KCNK13: variants seen among roughly 807,000 people sequenced by gnomAD.
KCNK13 encodes potassium channel subfamily K member 13.
KCNK13 carries 12 observed loss-of-function variants against 23.4 expected under a neutral mutation model. The observed-to-expected ratio is 0.51, with a 90% CI of 0.33 to 0.83. The LOEUF (loss-of-function observed/expected upper bound fraction) is 0.83. KCNK13 is among the 40% of genes least tolerant of loss of function. The pLI, the probability that KCNK13 is intolerant of heterozygous loss-of-function variation, is 0.02. For synonymous variants in KCNK13, 231 were observed against 229.5 expected, an observed-to-expected ratio of 1.01 and a Z score of -0.06; for missense variants, 463 against 556.3, an observed-to-expected ratio of 0.83 and a Z score of 1.69.
At chr14:90,127,474 A>G (rs1479140030) in intron 1 of KCNK13, among the ~76,000 whole-genome samples, 1 of 134,656 alleles carries the variant, frequency 7.4e-6, no homozygotes, top group Non-Finnish European at 1.6e-5. Context: ...TTTTTTGTAC[A>G]TTGGTTTCTC....
chr14:90,107,116 C>G (rs1398929256), intron 1 of KCNK13, among the ~76,000 whole-genome samples: 3 of 152,118 alleles, frequency 2.0e-5, no homozygotes, highest in African/African-American at 7.2e-5. Flanking sequence ...CACAGGTGCT[C>G]TGTACCACAC....
chr14:90,173,262 C>A (rs1472233615), intron 1 of KCNK13, among the ~76,000 whole-genome samples: 1 of 152,076 alleles, frequency 6.6e-6, no homozygotes, highest in Non-Finnish European at 1.5e-5. Context: ...GAGGCTGAGG[C>A]AGTAGGATCA....
chr14:90,062,449 A>T lies in KCNK13; in HGVS notation c.244A>T (p.Thr82Ser). Residue 82 changes from threonine to serine, a missense_variant, in exon 1 of 2, where the codon ACT (threonine) becomes TCT (serine). Physicochemically the swap from Thr to Ser is moderately conservative, Grantham distance 58. Coordinates refer to ENST00000282146, the MANE Select transcript of KCNK13 (RefSeq NM_022054.4). The surrounding 1 kb of genome is among the most constrained non-coding windows in gnomAD (Gnocchi z 4.5). ...CTTCCTCCGCCACTACGAGGAGGCCACTCGGGCCGGCATCCGCGTGGACAA... is the reference window on the plus strand; with the variant it reads ...CTTCCTCCGCCACTACGAGGAGGCCTCTCGGGCCGGCATCCGCGTGGACAA... The part of the protein sequence containing the change: ...RGFLRHYEEA[T>S]RAGIRVDNVR... 1 of 1,545,958 alleles carries T rather than the reference A, an allele frequency of 6.5e-7. No homozygotes were observed. The highest frequency in any genetic ancestry group is 1.4e-5 in the African/African-American group (1 of 72,600).
intron 1 of KCNK13, among the ~76,000 whole-genome samples, chr14:90,174,052 A>G (rs1207186149): frequency 6.6e-6 from 1 of 152,142 alleles, no homozygotes; most frequent in Admixed American, 6.5e-5. Context: ...CATGCCTGTA[A>G]TCCCAGCACT....
intron 1 of KCNK13, among the ~76,000 whole-genome samples, chr14:90,107,227 C>T (rs1889554844): frequency 6.6e-6 from 1 of 152,098 alleles, no homozygotes; most frequent in Non-Finnish European, 1.5e-5. Flanking sequence ...TGCCTGTAAT[C>T]CCAGCACTTC....
At chr14:90,159,708 A>G (rs535221498) in intron 1 of KCNK13, among the ~76,000 whole-genome samples, 2 of 152,350 alleles carry the variant, frequency 1.3e-5, no homozygotes, top group South Asian at 2.1e-4. Context: ...AGTTCTCACA[A>G]AAGTCCTACG....
rs1419933284 is a variant in KCNK13, at chr14:90,140,323, G to A, written c.335-43788G>A. ...GTAAGAGACTTGTTCATTTCTTCTG[G>A]TTCTTGAAGTCCTACCACGCATCAA... On this transcript the variant is annotated intron_variant, in intron 1 of 1. Coordinates refer to ENST00000282146, the MANE Select transcript of KCNK13 (RefSeq NM_022054.4). 2.0e-5 allele frequency among the ~76,000 whole-genome samples: 3 copies of A among 152,136 alleles called. No individual in the cohort carries two copies. The East Asian group carries it at 5.8e-4, about 29-fold the overall frequency.
At chr14:90,101,525 G>A (rs1161688157) in intron 1 of KCNK13, among the ~76,000 whole-genome samples, 2 of 151,818 alleles carry the variant, frequency 1.3e-5, no homozygotes, top group Non-Finnish European at 2.9e-5. Context: ...GGCCGGGTGT[G>A]GTGGTATAAT....
intron 1 of KCNK13, among the ~76,000 whole-genome samples, chr14:90,129,169 G>C (rs1889838403): frequency 6.6e-6 from 1 of 152,088 alleles, no homozygotes; most frequent in Admixed American, 6.5e-5. Context: ...CATCTACATT[G>C]TGTCTAAACT....
At chr14:90,124,837 C>G (rs183375436) in intron 1 of KCNK13, among the ~76,000 whole-genome samples, 3 of 152,196 alleles carry the variant, frequency 2.0e-5, no homozygotes, top group Admixed American at 6.6e-5. Flanking sequence ...TACAGCTAAA[C>G]TCTGAAAAAT....
At chr14:90,092,213 C>T (rs563708830) in intron 1 of KCNK13, among the ~76,000 whole-genome samples, 110 of 152,330 alleles carry the variant, frequency 7.2e-4, no homozygotes, top group Non-Finnish European at 1.2e-3. Context: ...TGAGCCACCG[C>T]ACCCAGCCGG....
intron 1 of KCNK13, among the ~76,000 whole-genome samples, chr14:90,064,217 T>C (rs73330214): frequency 0.085 from 12,974 of 152,218 alleles, 1,859 homozygotes; most frequent in African/African-American, 0.3. Flanking sequence ...ACCTTGACTC[T>C]ACTGTGTTTG....
At chr14:90,077,417 G>A (rs556634854) in intron 1 of KCNK13, among the ~76,000 whole-genome samples, 115 of 152,208 alleles carry the variant, frequency 7.6e-4, no homozygotes, top group African/African-American at 2.3e-3. Flanking sequence ...CACCATGCCC[G>A]GCCAATCCTG....
In KCNK13 at chr14:90,107,885, C is replaced by A. The variant is rs185298856; in HGVS notation, c.334+45346C>A. 36 of 790,422 alleles carry A rather than the reference C, an allele frequency of 4.6e-5. No homozygotes were observed. In the East Asian group the frequency reaches 8.7e-4, roughly 19 times the overall value. The allele number at this position is 790,422 out of a possible 1,614,324, so 49.0% of individuals were successfully genotyped here. On this transcript the variant is annotated intron_variant, in intron 1 of 1. Transcript: ENST00000282146. ...ACAGCTCACGGGAGCAAGAATGGGG[C>A]CTTGAGTCTTTATCAGTAAAGATTG...
chr14:90,108,562 C>T (rs1889574225), intron 1 of KCNK13, among the ~76,000 whole-genome samples: 1 of 152,150 alleles, frequency 6.6e-6, no homozygotes, highest in African/African-American at 2.4e-5. Context: ...CAGTGTTGTC[C>T]ACCTTGTCCT....
chr14:90,104,263 C>G (rs182348077), intron 1 of KCNK13, among the ~76,000 whole-genome samples: 1 of 152,300 alleles, frequency 6.6e-6, no homozygotes, highest in Admixed American at 6.5e-5. Flanking sequence ...CCTGTGAATG[C>G]CTTTTGGCCC....
At chr14:90,070,179 ATT>A (rs1201479160) in intron 1 of KCNK13, among the ~76,000 whole-genome samples, 1 of 152,208 alleles carries the variant, frequency 6.6e-6, no homozygotes, top group South Asian at 2.1e-4. Flanking sequence ...ATGCATCTCG[ATT>A]TCAGAGATAT....
intron 1 of KCNK13, among the ~76,000 whole-genome samples, chr14:90,145,350 T>G (rs955154791): frequency 6.6e-6 from 1 of 151,986 alleles, no homozygotes; most frequent in Admixed American, 6.6e-5. Flanking sequence ...CTGAGATCAC[T>G]CCACTGTACC....
intron 1 of KCNK13, among the ~76,000 whole-genome samples, chr14:90,100,801 C>A (rs1359365763): frequency 6.6e-6 from 1 of 152,226 alleles, no homozygotes; most frequent in African/African-American, 2.4e-5. Context: ...AGGTGATCCT[C>A]CCACCTCAGC....
Sources: allele counts gnomAD v4.1 joint callset (sites outside exome capture counted in the v4.1 genomes callset), GRCh38; gene constraint gnomAD v4.1.1; non-coding constraint Gnocchi (gnomAD v3.1); transcripts MANE v1.5; gene names NCBI Gene and HGNC (gene_info 2026-07-23, HGNC 2026-07-21).